MEIS1: variants seen among roughly 807,000 people sequenced by gnomAD.
MEIS1 encodes Meis homeobox 1, also known as homeobox protein Meis1.
MEIS1 carries 5 observed loss-of-function variants against 50.8 expected under a neutral mutation model. The observed-to-expected ratio is 0.10, with a 90% CI of 0.05 to 0.21. The LOEUF (loss-of-function observed/expected upper bound fraction) is 0.21. Ranked by LOEUF, MEIS1 falls within the 10% of genes least tolerant of loss-of-function variation. The pLI is 1.00. For missense variants in MEIS1, 318 were observed against 517.3 expected (o/e 0.61, Z 3.74); for synonymous variants, 176 against 179.3 (o/e 0.98, Z 0.15).
At chr2:66,560,612 G>T (rs1339867189) in intron 9 of MEIS1, among the ~76,000 whole-genome samples, 1 of 150,960 alleles carries the variant, frequency 6.6e-6, no homozygotes, top group African/African-American at 2.4e-5. Context: ...GAAAAGAAAA[G>T]AAAATTGTAT....
At chr2:66,470,428 G>A (rs1225247773) in intron 7 of MEIS1, among the ~76,000 whole-genome samples, 1 of 152,188 alleles carries the variant, frequency 6.6e-6, no homozygotes, top group Non-Finnish European at 1.5e-5. Context: ...TGAATGAGAT[G>A]TAGAGACAGA....
intron 8 of MEIS1, among the ~76,000 whole-genome samples, chr2:66,526,756 A>G (rs994054290): frequency 2.0e-5 from 3 of 152,224 alleles, no homozygotes; most frequent in African/African-American, 7.2e-5. Context: ...GCATTGCTTA[A>G]CCATTGTCAA....
intron 6 of MEIS1, among the ~76,000 whole-genome samples, chr2:66,462,953 G>C (rs1463477715): frequency 1.3e-5 from 2 of 151,956 alleles, no homozygotes; most frequent in African/African-American, 4.8e-5. Flanking sequence ...CTTTCCCTTT[G>C]ATTCCTATAC....
At chr2:66,567,342 C>A in intron 9 of MEIS1, 111 bp from the exon 10 acceptor site, 1 of 1,098,354 alleles carries the variant, frequency 9.1e-7, no homozygotes. Context: ...TGAAGGAGTC[C>A]CATTTTGCCA....
intron 7 of MEIS1, among the ~76,000 whole-genome samples, chr2:66,472,292 G>A (rs1672780122): frequency 6.6e-6 from 1 of 152,162 alleles, no homozygotes; most frequent in Non-Finnish European, 1.5e-5. Flanking sequence ...TTTTAGGGAA[G>A]CATCCATTTA....
chr2:66,528,307 C>A (rs1156798828), intron 8 of MEIS1, among the ~76,000 whole-genome samples: 1 of 152,130 alleles, frequency 6.6e-6, no homozygotes, highest in Non-Finnish European at 1.5e-5. Flanking sequence ...AGGTCTCTGT[C>A]AAATACAGAG....
At chr2:66,454,817 G>A (rs1202465935) in intron 6 of MEIS1, 3 of 152,066 alleles carry the variant, frequency 2.0e-5, no homozygotes, top group Admixed American at 6.6e-5. Context: ...GTAATTTACT[G>A]ATTCTTCTCC....
chr2:66,441,658 G>C, intron 5 of MEIS1, 194 bp downstream of exon 5: 1 of 547,134 alleles, frequency 1.8e-6, no homozygotes, highest in Non-Finnish European at 3.1e-6. Flanking sequence ...CACTAAAACT[G>C]GGATCACAAA....
chr2:66,494,346 T>C (rs1673346791), intron 7 of MEIS1, among the ~76,000 whole-genome samples: 1 of 152,210 alleles, frequency 6.6e-6, no homozygotes, highest in Non-Finnish European at 1.5e-5. Context: ...CACTTAACTT[T>C]TTTTCTGTAG....
At chr2:66,486,190 G>A (rs917207608) in intron 7 of MEIS1, among the ~76,000 whole-genome samples, 1 of 152,184 alleles carries the variant, frequency 6.6e-6, no homozygotes, top group Non-Finnish European at 1.5e-5. Context: ...TGTCCTGAAT[G>A]TTATCGCCTA....
At chr2:66,570,076 G>A (rs1419286934) in intron 12 of MEIS1, 1 of 152,168 alleles carries the variant, frequency 6.6e-6, no homozygotes, top group East Asian at 1.9e-4. Context: ...AGTTATTTCA[G>A]AGTCTTGCTT....
intron 11 of MEIS1, 63 bp from the exon 12 acceptor site, chr2:66,568,987 T>C (rs1675420203): frequency 1.4e-6 from 2 of 1,456,734 alleles, no homozygotes; most frequent in Non-Finnish European, 1.9e-6. Flanking sequence ...AAGGGTCTTT[T>C]GGCACTATCT....
intron 9 of MEIS1, among the ~76,000 whole-genome samples, chr2:66,557,922 T>C (rs1675108638): frequency 6.6e-6 from 1 of 152,116 alleles, no homozygotes; most frequent in Admixed American, 6.5e-5. Flanking sequence ...CACTACACAC[T>C]GCTCTCACTT....
chr2:66,455,237 A>G (rs1481141507), intron 6 of MEIS1, among the ~76,000 whole-genome samples: 1 of 152,198 alleles, frequency 6.6e-6, no homozygotes, highest in East Asian at 1.9e-4. Flanking sequence ...AATAATTTCT[A>G]TTACTTACCA....
intron 8 of MEIS1, among the ~76,000 whole-genome samples, chr2:66,544,871 A>G (rs891655868): frequency 6.6e-6 from 1 of 152,162 alleles, no homozygotes; most frequent in African/African-American, 2.4e-5. Context: ...AAACAACTGA[A>G]ATTTGCACTG....
intron 7 of MEIS1, among the ~76,000 whole-genome samples, chr2:66,467,960 C>T (rs1201183707): frequency 1.3e-5 from 2 of 152,192 alleles, no homozygotes; most frequent in African/African-American, 4.8e-5. Context: ...TCCAAAGATA[C>T]CAGATTGAAT....
intron 9 of MEIS1, among the ~76,000 whole-genome samples, chr2:66,558,351 G>A (rs1675128096): frequency 1.3e-5 from 2 of 148,184 alleles, no homozygotes; most frequent in Admixed American, 1.3e-4. Context: ...CTGAAATCCA[G>A]CAACTCAGCA....
chr2:66,516,413 C>T lies in MEIS1; in HGVS notation c.888+4119C>T, dbSNP rs548238456. Among the ~76,000 whole-genome samples, 5 of 152,246 alleles carry T rather than the reference C, an allele frequency of 3.3e-5. No homozygotes were observed. In the South Asian group the frequency reaches 1.0e-3, roughly 32 times the overall value. On this transcript the variant is annotated intron_variant, in intron 8 of 12. Coordinates refer to ENST00000272369, the MANE Select transcript of MEIS1 (RefSeq NM_002398.3). ...TTTCATTCACACTCTCTCCTACTCC[C>T]CATCCATTCACCATCCTGAGGATCC... is the stretch of plus-strand genomic sequence containing the variant.
intron 7 of MEIS1, among the ~76,000 whole-genome samples, chr2:66,475,260 AAATATAT>A (rs1448493658): frequency 7.4e-6 from 1 of 135,636 alleles, no homozygotes; most frequent in Non-Finnish European, 1.5e-5. Flanking sequence ...TTTATAAAAT[AAATATAT>A]AATATATTAT....
Sources: gnomAD v4.1 joint callset for allele counts (sites outside exome capture counted in the v4.1 genomes callset) on GRCh38, gnomAD v4.1.1 for gene constraint, MANE v1.5 for transcripts, NCBI Gene and HGNC (gene_info 2026-07-23, HGNC 2026-07-21) for gene names.